Variants in PCSK2 observed in about 807,000 individuals in gnomAD.
PCSK2 encodes the protein neuroendocrine convertase 2.
A neutral mutation model predicts 69.7 loss-of-function variants in PCSK2; 14 were observed. That is an observed-to-expected ratio of 0.20 (90% confidence interval 0.13 to 0.31). PCSK2 has a LOEUF of 0.31. PCSK2 is among the 10% of genes least tolerant of loss of function. PCSK2 has a pLI of 1.00. For missense variants in PCSK2, 544 were observed against 842.5 expected (o/e 0.65, Z 4.39); for synonymous variants, 307 against 320.7 (o/e 0.96, Z 0.46).
chr20:17,330,118 C>T (rs1990172164), intron 2 of PCSK2, among the ~76,000 whole-genome samples: 1 of 152,172 alleles, frequency 6.6e-6, no homozygotes, highest in Non-Finnish European at 1.5e-5. Flanking sequence ...AGATATTTTA[C>T]ATTGTTTTCT....
chr20:17,388,730 C>T (rs1456100655), intron 5 of PCSK2, among the ~76,000 whole-genome samples: 1 of 152,074 alleles, frequency 6.6e-6, no homozygotes, highest in East Asian at 1.9e-4. Flanking sequence ...CGGACTGACC[C>T]ACAGAGAGCG....
intron 11 of PCSK2, among the ~76,000 whole-genome samples, chr20:17,467,878 G>A (rs2033128486): frequency 1.3e-5 from 2 of 152,206 alleles, no homozygotes; most frequent in Non-Finnish European, 2.9e-5. Flanking sequence ...GCTTACACCT[G>A]TAGAATCAAA....
rs1397486606 is a variant in PCSK2 at position 17,350,998 on chromosome 20, C to T, written c.283-7329C>T. ...GAGGTTGCAGTAAGCCAAGATGGTG[C>T]CACTGCACTACAGCCTGGGTGACAG... On this transcript the variant is annotated intron_variant, in intron 2 of 11. Coordinates refer to ENST00000262545, the MANE Select transcript of PCSK2 (RefSeq NM_002594.5). Among the ~76,000 whole-genome samples, 46 of 149,042 alleles carry T rather than the reference C, an allele frequency of 3.1e-4. No homozygotes were observed. The Admixed American group carries it at 3.1e-3, about 10-fold the overall frequency.
At chr20:17,246,432 T>C (rs920782686) in intron 1 of PCSK2, among the ~76,000 whole-genome samples, 2 of 152,172 alleles carry the variant, frequency 1.3e-5, no homozygotes, top group African/African-American at 4.8e-5. Flanking sequence ...ACAAGGCAGA[T>C]GATCAGAGAA....
chr20:17,238,956 G>C (rs775400683), intron 1 of PCSK2, among the ~76,000 whole-genome samples: 2 of 152,060 alleles, frequency 1.3e-5, no homozygotes, highest in Non-Finnish European at 2.9e-5. Flanking sequence ...AAATTTAAAG[G>C]CTTAGCATCA....
At chr20:17,333,075 T>C (rs1242784171) in intron 2 of PCSK2, among the ~76,000 whole-genome samples, 2 of 152,074 alleles carry the variant, frequency 1.3e-5, no homozygotes, top group African/African-American at 4.8e-5. Context: ...TTTCCCAATG[T>C]TCACAACTGA....
intron 11 of PCSK2, among the ~76,000 whole-genome samples, chr20:17,477,367 A>T (rs993757933): frequency 2.6e-5 from 4 of 151,924 alleles, no homozygotes; most frequent in African/African-American, 9.7e-5. Context: ...GCACAGGAAG[A>T]TAATATTTAT....
At position 17,411,255 on chromosome 20, in the gene PCSK2, G is replaced by A. The variant is rs376925225; in HGVS notation, c.620+1916G>A. On this transcript the variant is annotated intron_variant, in intron 6 of 11. Coordinates refer to ENST00000262545, the MANE Select transcript of PCSK2 (RefSeq NM_002594.5). ...AGTTGGACAGTGGGTGCAAGGGGTCGGAGGATTTCCCTTTCCTAGCCAAAG... is the reference window on the plus strand; with the variant it reads ...AGTTGGACAGTGGGTGCAAGGGGTCAGAGGATTTCCCTTTCCTAGCCAAAG... 2.5e-3 allele frequency among the ~76,000 whole-genome samples: 387 copies of A among 152,308 alleles called. 3 individuals are homozygous for A. The highest frequency in any genetic ancestry group is 4.8e-3 in the African/African-American group (199 of 41,578).
chr20:17,429,549 C>T (rs778974391), intron 7 of PCSK2, 26 bp downstream of exon 7: 3 of 1,465,578 alleles, frequency 2.0e-6, no homozygotes, highest in Non-Finnish European at 2.9e-6. Flanking sequence ...CAAACAGAGG[C>T]CCCCACTAGG....
In PCSK2 at chr20:17,351,678, G is replaced by A. The variant is rs540796468; in HGVS notation, c.283-6649G>A. 8.5e-5 allele frequency among the ~76,000 whole-genome samples: 13 copies of A among 152,126 alleles called. No homozygotes were observed. In the South Asian group the frequency reaches 2.7e-3, roughly 32 times the overall value. ...AAGAAAAAAACCCTCAACAAACTAG[G>A]CATTGAAGAAACATACCTCAAAATA... On this transcript the variant is annotated intron_variant, in intron 2 of 11. Coordinates refer to ENST00000262545, the MANE Select transcript of PCSK2 (RefSeq NM_002594.5).
intron 1 of PCSK2, among the ~76,000 whole-genome samples, chr20:17,253,289 T>C (rs531681593): frequency 6.6e-6 from 1 of 152,332 alleles, no homozygotes; most frequent in South Asian, 2.1e-4. Context: ...AGTTGTGCAA[T>C]CATTACCAGT....
At chr20:17,231,335 A>G (rs907834668) in intron 1 of PCSK2, among the ~76,000 whole-genome samples, 1 of 152,218 alleles carries the variant, frequency 6.6e-6, no homozygotes, top group Non-Finnish European at 1.5e-5. Context: ...CACTTTTATT[A>G]AAGTATAATT....
At chr20:17,422,641 A>G (rs2032158170) in intron 6 of PCSK2, among the ~76,000 whole-genome samples, 1 of 152,126 alleles carries the variant, frequency 6.6e-6, no homozygotes, top group South Asian at 2.1e-4. Context: ...AAAAAGAGGA[A>G]GAGAATGAAG....
chr20:17,422,471 A>G (rs567997839), intron 6 of PCSK2, among the ~76,000 whole-genome samples: 18 of 152,362 alleles, frequency 1.2e-4, no homozygotes, highest in Non-Finnish European at 1.5e-4. Context: ...ATGGAACAAT[A>G]TAAAGATATC....
chr20:17,433,541 C>T (rs926473055), intron 7 of PCSK2, among the ~76,000 whole-genome samples: 1 of 152,222 alleles, frequency 6.6e-6, no homozygotes, highest in Non-Finnish European at 1.5e-5. Flanking sequence ...CAGCTCAAAT[C>T]CCCTGGACAT....
At chr20:17,252,572 T>C (rs1372144448) in intron 1 of PCSK2, among the ~76,000 whole-genome samples, 1 of 152,244 alleles carries the variant, frequency 6.6e-6, no homozygotes, top group African/African-American at 2.4e-5. Flanking sequence ...GTTAACTAAC[T>C]TGCCAAAGGT....
intron 9 of PCSK2, among the ~76,000 whole-genome samples, chr20:17,455,811 G>A (rs779247382): frequency 6.6e-6 from 1 of 152,240 alleles, no homozygotes; most frequent in Non-Finnish European, 1.5e-5. Flanking sequence ...TGTGGACACT[G>A]TAACTATAAC....
Position 17,453,652 on chromosome 20 carries a change from G to A in PCSK2, c.886-90G>A. ...CACCCAGTCTTTAGGTTCAACTGCT[G>A]AAGAAGCCCAACCCCTGGGCTGGAG... On this transcript the variant is annotated intron_variant, in intron 8 of 11. Transcript: ENST00000262545. This position sits in a 1 kb window ranked among gnomAD's most constrained non-coding sequence, Gnocchi z 4.0. 2.1e-6 allele frequency: 3 copies of A among 1,434,306 alleles called. No homozygotes were observed. The highest frequency in any genetic ancestry group is 2.9e-6 in the Non-Finnish European group (3 of 1,043,216). 88.8% of individuals were successfully genotyped at this position (1,434,306 alleles called of 1,614,324 possible).
At chr20:17,449,685 G>T (rs1260384150) in intron 8 of PCSK2, among the ~76,000 whole-genome samples, 1 of 151,614 alleles carries the variant, frequency 6.6e-6, no homozygotes, top group African/African-American at 2.4e-5. Flanking sequence ...GCACCACCAC[G>T]CTCAGCTAAT....
Sources: allele counts gnomAD v4.1 joint callset (sites outside exome capture counted in the v4.1 genomes callset), GRCh38; gene constraint gnomAD v4.1.1; non-coding constraint Gnocchi (gnomAD v3.1); transcripts MANE v1.5; gene names NCBI Gene and HGNC (gene_info 2026-07-23, HGNC 2026-07-21).